Variants in VPS13B observed in about 807,000 individuals in gnomAD.
VPS13B encodes the protein intermembrane lipid transfer protein VPS13B.
VPS13B carries 285 observed loss-of-function variants against 426.4 expected under a neutral mutation model. That is an observed-to-expected ratio of 0.67 (90% CI 0.61 to 0.74). The LOEUF is 0.74. Ranked by LOEUF, VPS13B falls within the 30% of genes least tolerant of loss-of-function variation. VPS13B has a pLI of 0.00. For missense variants in VPS13B, 4,537 were observed against 4,782.6 expected, an observed-to-expected ratio of 0.95 and a Z score of 1.51; for synonymous variants, 1,676 against 1,676.4, an observed-to-expected ratio of 1.00 and a Z score of 0.01.
chr8:99,814,429 T>C (rs1813900830), intron 44 of VPS13B, among the ~76,000 whole-genome samples: 1 of 152,196 alleles, frequency 6.6e-6, no homozygotes, highest in South Asian at 2.1e-4. Context: ...TTCTCTGTCA[T>C]CCTCTTAGAT....
intron 31 of VPS13B, among the ~76,000 whole-genome samples, chr8:99,562,823 T>G (rs1363896820): frequency 6.6e-6 from 1 of 152,192 alleles, no homozygotes; most frequent in African/African-American, 2.4e-5. Context: ...CCTGTCACCC[T>G]CATCAAAAAT....
rs779497740 is a variant in VPS13B, at chr8:99,853,716, G to T, written c.10327G>T (p.Val3443Phe). The change falls in exon 56 of 62, where the codon GTC becomes TTC. Residue 3443 changes from valine to phenylalanine, a missense_variant. This residue lies in a region of VPS13B where 4,311 missense variants were observed against 4,474.3 expected (regional missense o/e 0.96). Coordinates refer to ENST00000357162, the MANE Select transcript of VPS13B (RefSeq NM_152564.5). ...LYNKSNFHFA[V>F]LVCQGEKAEP... ...TAACAAGTCCAATTTCCACTTTGCT[G>T]TCTTAGTCTGCCAGGGAGAAAAAGC... 1 of 1,614,174 alleles carries T rather than the reference G, an allele frequency of 6.2e-7. No individual in the cohort carries two copies. Among genetic ancestry groups the T allele is most frequent in the African/African-American group, 1.3e-5 (1 of 75,032 alleles).
intron 24 of VPS13B, among the ~76,000 whole-genome samples, chr8:99,473,970 G>A (rs1819548260): frequency 6.6e-6 from 1 of 152,000 alleles, no homozygotes; most frequent in Non-Finnish European, 1.5e-5. Context: ...AAACCATAAA[G>A]CGTTGCTGAG....
chr8:99,602,475 A>G (rs1323029784), intron 33 of VPS13B, among the ~76,000 whole-genome samples: 2 of 152,056 alleles, frequency 1.3e-5, no homozygotes, highest in East Asian at 3.9e-4. Flanking sequence ...TTGGCTATGC[A>G]GGCTCTTTTT....
At chr8:99,459,774 A>T (rs190860630) in intron 23 of VPS13B, among the ~76,000 whole-genome samples, 2 of 152,094 alleles carry the variant, frequency 1.3e-5, no homozygotes, top group Non-Finnish European at 2.9e-5. Flanking sequence ...CTCATGATGT[A>T]TTTTGAGATT....
At position 99,641,901 on chromosome 8, in the gene VPS13B, A is replaced by G; in HGVS notation, c.5311A>G (p.Ile1771Val). ...CTACAGTGGTGCTCAGGATAGTGGA[A>G]TTGGCAGTGACAGTGTTAAAATCAG... is the stretch of plus-strand genomic sequence containing the variant. ...SRYSGAQDSG[I>V]GSDSVKIRIV... Residue 1771 changes from isoleucine (I) to valine (V), a missense_variant, in exon 34 of 62, where the codon ATT (isoleucine) becomes GTT (valine). Transcript: ENST00000357162. 6.2e-7 allele frequency: 1 copy of G among 1,614,116 alleles called. No homozygotes were observed. The highest frequency in any genetic ancestry group is 8.5e-7 in the Non-Finnish European group (1 of 1,180,002).
intron 39 of VPS13B, among the ~76,000 whole-genome samples, chr8:99,744,664 T>C (rs1300278699): frequency 1.3e-5 from 2 of 152,202 alleles, no homozygotes; most frequent in African/African-American, 4.8e-5. Flanking sequence ...GTTCATGTCC[T>C]TTGTAGGGAC....
At chr8:99,278,571 G>C (rs1819011518) in intron 19 of VPS13B, among the ~76,000 whole-genome samples, 1 of 152,184 alleles carries the variant, frequency 6.6e-6, no homozygotes, top group Non-Finnish European at 1.5e-5. Context: ...TGCCTAGCAA[G>C]TCAGTCTTTG....
At chr8:99,839,580 A>T (rs1221516627) in intron 54 of VPS13B, among the ~76,000 whole-genome samples, 1 of 152,240 alleles carries the variant, frequency 6.6e-6, no homozygotes, top group Non-Finnish European at 1.5e-5. Context: ...CTTGCAACTA[A>T]GCAGGAGCAA....
At chr8:99,396,984 C>T (rs575716053) in intron 21 of VPS13B, among the ~76,000 whole-genome samples, 4 of 151,894 alleles carry the variant, frequency 2.6e-5, no homozygotes, top group African/African-American at 4.8e-5. Context: ...ATCTTTTATG[C>T]CTAGGTCTCC....
intron 23 of VPS13B, among the ~76,000 whole-genome samples, chr8:99,453,025 T>C (rs941224721): frequency 2.0e-5 from 3 of 152,228 alleles, no homozygotes; most frequent in Non-Finnish European, 4.4e-5. Flanking sequence ...CTGTGACTTT[T>C]ATAAAATATT....
intron 43 of VPS13B, among the ~76,000 whole-genome samples, chr8:99,787,140 A>C (rs1050573638): frequency 6.6e-6 from 1 of 152,162 alleles, no homozygotes; most frequent in Admixed American, 6.6e-5. Context: ...AAGTTCACGG[A>C]ACTTAACTCC....
At chr8:99,644,882 TC>T (rs1164044478) in intron 34 of VPS13B, among the ~76,000 whole-genome samples, 6 of 152,222 alleles carry the variant, frequency 3.9e-5, no homozygotes, top group African/African-American at 1.4e-4. Context: ...CCAGGCATTG[TC>T]CTAACTGCTT....
intron 33 of VPS13B, among the ~76,000 whole-genome samples, chr8:99,614,530 G>T (rs1266140236): frequency 1.3e-5 from 2 of 151,830 alleles, no homozygotes; most frequent in Non-Finnish European, 2.9e-5. Flanking sequence ...CGCCCACCTC[G>T]GCCTCCCAAA....
intron 19 of VPS13B, chr8:99,340,782 G>C (rs759510290): frequency 1.1e-4 from 37 of 343,634 alleles, no homozygotes; most frequent in Non-Finnish European, 2.1e-4. Flanking sequence ...CCTGCTCTCA[G>C]CCAGCCTGTT....
intron 2 of VPS13B, among the ~76,000 whole-genome samples, chr8:99,019,672 C>G (rs1392834042): frequency 6.6e-6 from 1 of 152,202 alleles, no homozygotes; most frequent in African/African-American, 2.4e-5. Flanking sequence ...TGGCAACCAC[C>G]ATTCTACTTT....
chr8:99,821,262 A>G, intron 49 of VPS13B, 32 bp from the exon 50 acceptor site: 4 of 1,611,146 alleles, frequency 2.5e-6, no homozygotes, highest in African/African-American at 1.3e-5. Context: ...AGGTAAGAAA[A>G]TTACTTTATA....
chr8:99,442,685 T>G, intron 23 of VPS13B, 50 bp downstream of exon 23: 1 of 1,551,210 alleles, frequency 6.4e-7, no homozygotes, highest in Non-Finnish European at 8.8e-7. Flanking sequence ...ATGGACATTT[T>G]TAGATTTGTT....
intron 19 of VPS13B, among the ~76,000 whole-genome samples, chr8:99,282,924 T>C: frequency 6.6e-6 from 1 of 152,202 alleles, no homozygotes; most frequent in Admixed American, 6.5e-5. Context: ...TGGTCATTGT[T>C]ATTGGAAAGG....
Sources: allele counts gnomAD v4.1 joint callset (sites outside exome capture counted in the v4.1 genomes callset), GRCh38; gene constraint gnomAD v4.1.1; regional missense constraint gnomAD v4.1.1; transcripts MANE v1.5; gene names NCBI Gene and HGNC (gene_info 2026-07-23, HGNC 2026-07-21).